The following FMN2 variants were observed in gnomAD, a reference collection of about 807,000 sequenced individuals.
FMN2 encodes the protein formin 2.
A neutral mutation model predicts 142.3 loss-of-function variants in FMN2; 51 were observed. That is an observed-to-expected ratio of 0.36 (90% CI 0.29 to 0.45). FMN2 has a LOEUF of 0.45. FMN2 is among the 20% of genes least tolerant of loss of function. The probability of loss-of-function intolerance (pLI) is 1.00; values close to 1 mark genes in which losing one functional copy is unlikely to be tolerated. For missense variants in FMN2, 1,936 were observed against 2,122.8 expected, an observed-to-expected ratio of 0.91 and a Z score of 1.73; for synonymous variants, 882 against 869.8, an observed-to-expected ratio of 1.01 and a Z score of -0.25.
chr1:240,237,323 A>G (rs974883243), intron 6 of FMN2, among the ~76,000 whole-genome samples: 1 of 152,182 alleles, frequency 6.6e-6, no homozygotes, highest in East Asian at 1.9e-4. Context: ...AGCTGCTTAC[A>G]GTTGTTCAAG....
chr1:240,187,309 AC>A (rs1398861448), intron 3 of FMN2, among the ~76,000 whole-genome samples: 1 of 151,120 alleles, frequency 6.6e-6, no homozygotes, highest in Non-Finnish European at 1.5e-5. Context: ...AAAAAACAAA[AC>A]CAAAAACAGT....
At chr1:240,466,651 T>G (rs1676628088) in intron 16 of FMN2, among the ~76,000 whole-genome samples, 1 of 152,214 alleles carries the variant, frequency 6.6e-6, no homozygotes, top group Non-Finnish European at 1.5e-5. Context: ...TTTTTTTACC[T>G]TGATAAGCTT....
chr1:240,148,323 CAGAGAGACAGACAGATAA>C (rs1165015976), intron 2 of FMN2, among the ~76,000 whole-genome samples: 1 of 144,822 alleles, frequency 6.9e-6, no homozygotes, highest in African/African-American at 2.6e-5. Context: ...CAGACAGAAA[CAGAGAGACAGACAGATAA>C]AGAGAGAAAG....
intron 7 of FMN2, among the ~76,000 whole-genome samples, chr1:240,266,335 T>G (rs1668802520): frequency 6.6e-6 from 1 of 152,026 alleles, no homozygotes; most frequent in Admixed American, 6.6e-5. Flanking sequence ...GGTAGCCACC[T>G]AGCACCATTT....
intron 6 of FMN2, among the ~76,000 whole-genome samples, chr1:240,214,273 C>T (rs901389317): frequency 6.6e-6 from 1 of 152,024 alleles, no homozygotes; most frequent in African/African-American, 2.4e-5. Flanking sequence ...TGATCTTGGC[C>T]GGGTGTGGTG....
rs544645770 is a variant in FMN2, at chr1:240,249,229, C to T, written c.4066-8716C>T. On this transcript the variant is annotated intron_variant, in intron 6 of 17. Transcript: ENST00000319653. ...TTTACTTCTAGTAGATTTATAGTTT[C>T]GAGTCTTGCCTTTAAGTTGTTAATC... Among the ~76,000 whole-genome samples the T allele has an allele frequency of 5.3e-5, 8 of 152,106 alleles. No individual in the cohort carries two copies. The South Asian group carries it at 1.5e-3, about 28-fold the overall frequency.
chr1:240,376,535 T>C (rs1673050662), intron 14 of FMN2, among the ~76,000 whole-genome samples: 1 of 152,158 alleles, frequency 6.6e-6, no homozygotes, highest in South Asian at 2.1e-4. Context: ...TGTTCGTACC[T>C]ATAGAATGTG....
At chr1:240,301,634 G>T (rs890309323) in intron 8 of FMN2, among the ~76,000 whole-genome samples, 3 of 151,308 alleles carry the variant, frequency 2.0e-5, no homozygotes, top group Non-Finnish European at 4.4e-5. Context: ...TTTTAAAATT[G>T]GATATAGAAG....
chr1:240,388,474 C>A (rs927995504), intron 14 of FMN2, among the ~76,000 whole-genome samples: 5 of 151,908 alleles, frequency 3.3e-5, no homozygotes, highest in African/African-American at 1.2e-4. Flanking sequence ...GTGAGAAAGA[C>A]CTTGCAAAGT....
At chr1:240,460,880 G>A (rs1162001578) in intron 16 of FMN2, among the ~76,000 whole-genome samples, 1 of 152,004 alleles carries the variant, frequency 6.6e-6, no homozygotes, top group African/African-American at 2.4e-5. Flanking sequence ...CCATCACCTG[G>A]GGACTTGTTA....
At chr1:240,228,525 A>G (rs1356825002) in intron 6 of FMN2, among the ~76,000 whole-genome samples, 2 of 151,988 alleles carry the variant, frequency 1.3e-5, no homozygotes, top group Non-Finnish European at 2.9e-5. Context: ...ATCAAAGAGA[A>G]AGGCCATAGC....
At chr1:240,289,107 C>CA (rs1301176169) in intron 7 of FMN2, among the ~76,000 whole-genome samples, 1 of 152,118 alleles carries the variant, frequency 6.6e-6, no homozygotes, top group Admixed American at 6.6e-5. Flanking sequence ...TGGTAATAAA[C>CA]ACTGTGAGAT....
intron 2 of FMN2, chr1:240,170,065 A>G: frequency 1.7e-6 from 1 of 585,454 alleles, no homozygotes; most frequent in Non-Finnish European, 3.0e-6. Flanking sequence ...CTCACAGATA[A>G]GCCAATCATG....
intron 7 of FMN2, among the ~76,000 whole-genome samples, chr1:240,273,526 T>C (rs1283733678): frequency 1.3e-5 from 2 of 152,146 alleles, no homozygotes; most frequent in Non-Finnish European, 2.9e-5. Context: ...GTTTTTTTCC[T>C]GTGTGGTTCT....
At chr1:240,219,739 C>T (rs902312514) in intron 6 of FMN2, among the ~76,000 whole-genome samples, 4 of 152,110 alleles carry the variant, frequency 2.6e-5, no homozygotes, top group South Asian at 2.1e-4. Flanking sequence ...ACTGCAGCCT[C>T]GACTTCCCTG....
At chr1:240,156,652 T>C (rs928556393) in intron 2 of FMN2, among the ~76,000 whole-genome samples, 1 of 152,134 alleles carries the variant, frequency 6.6e-6, no homozygotes, top group Non-Finnish European at 1.5e-5. Context: ...GAAATCCTAG[T>C]TGGCCCTAGG....
chr1:240,276,170 AG>A (rs1669201934), intron 7 of FMN2, among the ~76,000 whole-genome samples: 3 of 152,308 alleles, frequency 2.0e-5, no homozygotes, highest in African/African-American at 7.2e-5. Context: ...GCAGCAGTGA[AG>A]GGCCCACCTG....
intron 1 of FMN2, among the ~76,000 whole-genome samples, chr1:240,107,126 T>C: frequency 6.6e-6 from 1 of 151,696 alleles, no homozygotes; most frequent in East Asian, 2.0e-4. Flanking sequence ...GTGATAGCAG[T>C]TTGTATGATT....
At chr1:240,275,283 T>C (rs1002653073) in intron 7 of FMN2, among the ~76,000 whole-genome samples, 6 of 151,164 alleles carry the variant, frequency 4.0e-5, no homozygotes, top group East Asian at 2.0e-4. Context: ...TGTTCCCCTC[T>C]CTGTGTCCAT....
Sources: allele counts gnomAD v4.1 joint callset (sites outside exome capture counted in the v4.1 genomes callset), GRCh38; gene constraint gnomAD v4.1.1; transcripts MANE v1.5; gene names NCBI Gene and HGNC (gene_info 2026-07-23, HGNC 2026-07-21).